Variants in ALK observed in about 807,000 individuals in gnomAD.
ALK encodes the protein ALK receptor tyrosine kinase.
A neutral mutation model predicts 163.1 loss-of-function variants in ALK; 74 were observed. That is an observed-to-expected ratio of 0.45 (90% CI 0.38 to 0.55). ALK has a LOEUF of 0.55. Ranked by LOEUF, ALK falls within the 20% of genes least tolerant of loss-of-function variation. The pLI, the probability that ALK is intolerant of heterozygous loss-of-function variation, is 0.00. For missense variants in ALK, 2,063 were observed against 2,105.3 expected (o/e 0.98, Z 0.39); for synonymous variants, 960 against 843.2 (o/e 1.14, Z -2.40).
chr2:29,850,750 A>T (rs991683826), intron 1 of ALK, among the ~76,000 whole-genome samples: 3 of 152,142 alleles, frequency 2.0e-5, no homozygotes, highest in Non-Finnish European at 2.9e-5. Flanking sequence ...AGTACTTCCC[A>T]AGGGAACTGT....
intron 4 of ALK, among the ~76,000 whole-genome samples, chr2:29,441,764 A>G (rs546726210): frequency 1.3e-5 from 2 of 152,166 alleles, no homozygotes; most frequent in Admixed American, 1.3e-4. Flanking sequence ...CATTGAGACT[A>G]AGGAGCAACA....
rs900240239 is a variant in ALK at position 29,225,532 on chromosome 2, G to A, written c.3101C>T (p.Ser1034Leu). 5.0e-6 allele frequency: 8 copies of A among 1,613,260 alleles called. No individual in the cohort carries two copies. The highest frequency in any genetic ancestry group is 1.3e-5 in the African/African-American group (1 of 75,056). ...AGAGGTCACCACAGAGAGGATCAGC[G>A]AGAGTGGCAGGTGTGGCTCCGGGGT... is the stretch of plus-strand genomic sequence containing the variant. ...SPTPEPHLPL[S>L]LILSVVTSAL... Residue 1034 changes from serine (S) to leucine (L), a missense_variant, in exon 19 of 29, where the codon TCG becomes TTG. By Grantham distance (145) the Ser-to-Leu change is moderately radical. Around this residue, in one of 5 missense-constraint regions of ALK, gnomAD observed 575 missense variants for 626.6 expected, o/e 0.92. Coordinates refer to ENST00000389048, the MANE Select transcript of ALK (RefSeq NM_004304.5).
intron 8 of ALK, among the ~76,000 whole-genome samples, chr2:29,310,383 A>C (rs190066182): frequency 6.6e-6 from 1 of 152,334 alleles, no homozygotes; most frequent in East Asian, 1.9e-4. Context: ...TGAAAACTAC[A>C]TCCTTAGTTG....
chr2:29,222,569 C>G lies in ALK; in HGVS notation c.3398G>C (p.Gly1133Ala), dbSNP rs773881309. 6.2e-7 allele frequency: 1 copy of G among 1,613,950 alleles called. No homozygotes were observed. Among genetic ancestry groups the G allele is most frequent in the African/African-American group, 1.3e-5 (1 of 74,874 alleles). ...GHGAFGEVYE[G>A]QVSGMPNDPS... Reference sequence around the variant, plus strand: ...GTCGTTGGGCATTCCGGACACCTGGCCTTCATACACCTCCCCAAAGGCGCC... The same window carrying G: ...GTCGTTGGGCATTCCGGACACCTGGGCTTCATACACCTCCCCAAAGGCGCC... Residue 1133 changes from glycine to alanine, a missense_variant, in exon 21 of 29, where the codon GGC (glycine) becomes GCC (alanine). Around this residue, in one of 5 missense-constraint regions of ALK, gnomAD observed 575 missense variants for 626.6 expected, o/e 0.92. Coordinates refer to ENST00000389048, the MANE Select transcript of ALK (RefSeq NM_004304.5).
chr2:29,380,231 G>A (rs762954742), intron 5 of ALK, among the ~76,000 whole-genome samples: 16 of 151,468 alleles, frequency 1.1e-4, no homozygotes, highest in East Asian at 3.9e-4. Flanking sequence ...TCAGCCTCCC[G>A]GGGAGCTGGG....
At position 29,920,935 on chromosome 2, in the gene ALK, C is replaced by T. The variant is rs886055935; in HGVS notation, c.-276G>A. The T allele has an allele frequency of 1.6e-5, 8 of 504,878 alleles. No homozygotes were observed. Among genetic ancestry groups the T allele is most frequent in the African/African-American group, 1.9e-5 (1 of 51,832 alleles). 31.3% of individuals were successfully genotyped at this position (504,878 alleles called of 1,614,324 possible). ...CTGGGACCTTGAGCCTCCCGCTCTCCGCGCCGAGTGCCGCGCCCCCGTCTG... is the reference window on the plus strand; with the variant it reads ...CTGGGACCTTGAGCCTCCCGCTCTCTGCGCCGAGTGCCGCGCCCCCGTCTG... On this transcript the variant is annotated 5_prime_UTR_variant, in exon 1 of 29. Coordinates refer to ENST00000389048, the MANE Select transcript of ALK (RefSeq NM_004304.5).
chr2:29,212,653 T>A (rs574300984), intron 24 of ALK, among the ~76,000 whole-genome samples: 7 of 152,336 alleles, frequency 4.6e-5, no homozygotes, highest in Middle Eastern at 3.4e-3. Flanking sequence ...CCATTTTTAT[T>A]AGGGAGAAAG....
intron 4 of ALK, among the ~76,000 whole-genome samples, chr2:29,393,259 TTC>T (rs1669223714): frequency 6.6e-6 from 1 of 152,164 alleles, no homozygotes; most frequent in Non-Finnish European, 1.5e-5. Flanking sequence ...CAGAAGCAAG[TTC>T]TGTCTGACCT....
chr2:29,693,882 C>T (rs1005138547), intron 3 of ALK, among the ~76,000 whole-genome samples: 3 of 152,176 alleles, frequency 2.0e-5, no homozygotes, highest in South Asian at 2.1e-4. Context: ...GTCACTCCCC[C>T]GCTCTGAGCA....
At chr2:29,700,931 G>C (rs1178022708) in intron 2 of ALK, among the ~76,000 whole-genome samples, 2 of 152,210 alleles carry the variant, frequency 1.3e-5, no homozygotes, top group African/African-American at 2.4e-5. Context: ...CTAGGAATGT[G>C]TGAGACTCCC....
At chr2:29,604,496 C>A (rs141265298) in intron 3 of ALK, among the ~76,000 whole-genome samples, 40 of 152,136 alleles carry the variant, frequency 2.6e-4, no homozygotes, top group African/African-American at 9.4e-4. Context: ...AAACTCATGG[C>A]CCAGAATCTA....
chr2:29,674,202 CA>C (rs955763895), intron 3 of ALK, among the ~76,000 whole-genome samples: 1 of 151,804 alleles, frequency 6.6e-6, no homozygotes, highest in Non-Finnish European at 1.5e-5. Context: ...CCAGAACTTC[CA>C]ACACTATGTT....
At chr2:29,650,149 T>A (rs1676998324) in intron 3 of ALK, among the ~76,000 whole-genome samples, 1 of 152,142 alleles carries the variant, frequency 6.6e-6, no homozygotes, top group South Asian at 2.1e-4. Context: ...AGCCTTCAAA[T>A]GGTTATATAC....
At chr2:29,515,758 C>T (rs964023720) in intron 4 of ALK, among the ~76,000 whole-genome samples, 4 of 152,106 alleles carry the variant, frequency 2.6e-5, no homozygotes, top group South Asian at 2.1e-4. Flanking sequence ...TAGAAGCATA[C>T]GGTAAAATAG....
chr2:29,509,789 G>A (rs1449407067), intron 4 of ALK, among the ~76,000 whole-genome samples: 1 of 152,168 alleles, frequency 6.6e-6, no homozygotes, highest in East Asian at 1.9e-4. Flanking sequence ...TGGGGACACT[G>A]GAGAACCAGA....
chr2:29,582,495 A>C (rs948634926), intron 3 of ALK, among the ~76,000 whole-genome samples: 2 of 152,198 alleles, frequency 1.3e-5, no homozygotes, highest in Admixed American at 1.3e-4. Context: ...GATTGTTCAG[A>C]TACCATGTCC....
chr2:29,749,316 G>C (rs1490177409), intron 1 of ALK, among the ~76,000 whole-genome samples: 1 of 152,126 alleles, frequency 6.6e-6, no homozygotes, highest in African/African-American at 2.4e-5. Flanking sequence ...TAGATGAAAG[G>C]TAACCTTTTA....
intron 3 of ALK, among the ~76,000 whole-genome samples, chr2:29,611,184 G>A (rs892747510): frequency 2.6e-5 from 4 of 152,124 alleles, no homozygotes; most frequent in African/African-American, 4.8e-5. Context: ...GGCTGCAGGG[G>A]AACAGCCACA....
chr2:29,353,609 C>G (rs1668170792), intron 5 of ALK, among the ~76,000 whole-genome samples: 1 of 151,984 alleles, frequency 6.6e-6, no homozygotes, highest in Non-Finnish European at 1.5e-5. Context: ...GTCTGTACAC[C>G]AGGGAGAGGT....
Sources: allele counts gnomAD v4.1 joint callset (sites outside exome capture counted in the v4.1 genomes callset), GRCh38; gene constraint gnomAD v4.1.1; regional missense constraint gnomAD v4.1.1; transcripts MANE v1.5; gene names NCBI Gene and HGNC (gene_info 2026-07-23, HGNC 2026-07-21).